Variants in HCN4 observed in about 807,000 individuals in gnomAD.
HCN4 encodes hyperpolarization activated cyclic nucleotide gated potassium channel 4, also known as potassium/sodium hyperpolarization-activated cyclic nucleotide-gated channel 4.
A neutral mutation model predicts 76.9 loss-of-function variants in HCN4; 29 were observed. The observed-to-expected ratio is 0.38, with a 90% CI of 0.28 to 0.51. HCN4 has a LOEUF of 0.51. Ranked by LOEUF, HCN4 falls within the 20% of genes least tolerant of loss-of-function variation. HCN4 has a pLI of 0.90. For synonymous variants in HCN4, 772 were observed against 762.5 expected (o/e 1.01, Z -0.21); for missense variants, 1,416 against 1,715.2 (o/e 0.83, Z 3.08).
In HCN4 at chr15:73,366,935, C is replaced by T. The variant is rs555205919; in HGVS notation, c.785+551G>A. Among the ~76,000 whole-genome samples, 32 of 152,336 alleles carry T rather than the reference C, an allele frequency of 2.1e-4. No homozygotes were observed. The South Asian group carries it at 6.2e-3, about 30-fold the overall frequency. ...GCATGAGGAGCTGAGCTCAGGGTTACGGTGGGTGCAGGGGGTTTTCATCCC... is the reference window on the plus strand; with the variant it reads ...GCATGAGGAGCTGAGCTCAGGGTTATGGTGGGTGCAGGGGGTTTTCATCCC... On this transcript the variant is annotated intron_variant, in intron 1 of 7. Transcript: ENST00000261917.
intron 2 of HCN4, among the ~76,000 whole-genome samples, chr15:73,342,074 T>A (rs2043008210): frequency 6.6e-6 from 1 of 152,192 alleles, no homozygotes; most frequent in South Asian, 2.1e-4. Context: ...AGGTGGGCTG[T>A]CTCACAGAGA....
Position 73,320,113 on chromosome 15 carries a change from TCCAC to T in HCN4, c.*2364_*2367del, listed in dbSNP as rs2042847730. The stretch of plus-strand genomic sequence containing the variant: ...GGGGGCTCCTCATGGCCCTGGACCC[TCCAC>T]CTTCACCCCTGCTGCCTCCAGGACA... On this transcript the variant is annotated 3_prime_UTR_variant, in exon 8 of 8. Coordinates refer to ENST00000261917, the MANE Select transcript of HCN4 (RefSeq NM_005477.3). 1 of 152,338 alleles carries T rather than the reference TCCAC, an allele frequency of 6.6e-6. No individual in the cohort carries two copies. The allele number at this position is 152,338 out of a possible 1,614,324, so 9.4% of individuals were successfully genotyped here.
At chr15:73,354,211 TC>T (rs764397324) in intron 1 of HCN4, among the ~76,000 whole-genome samples, 5 of 152,232 alleles carry the variant, frequency 3.3e-5, no homozygotes, top group Non-Finnish European at 7.3e-5. Flanking sequence ...GTTTTGTTTT[TC>T]TTAAAACCCA....
At chr15:73,361,393 A>G (rs1457302820) in intron 1 of HCN4, among the ~76,000 whole-genome samples, 1 of 152,208 alleles carries the variant, frequency 6.6e-6, no homozygotes, top group Non-Finnish European at 1.5e-5. Context: ...TCCTCTCCAA[A>G]GCCAACACAA....
rs2042884485 is a variant in HCN4 at position 73,324,128 on chromosome 15, C to T, written c.2104G>A (p.Ala702Thr). Reference sequence around the variant, plus strand: ...CGGTCCAGCGCCACGGTCTCGAAGGCCCTTCGCATCATGGGGTACTCCTCC... The same window carrying T: ...CGGTCCAGCGCCACGGTCTCGAAGGTCCTTCGCATCATGGGGTACTCCTCC... ...VLEEYPMMRR[A>T]FETVALDRLD... Residue 702 changes from alanine to threonine, a missense_variant, in exon 7 of 8, where the codon GCC becomes ACC. Around this residue, in one of 6 missense-constraint regions of HCN4, gnomAD observed 241 missense variants for 379.4 expected, o/e 0.64. Transcript: ENST00000261917. The T allele has an allele frequency of 6.2e-7, 1 of 1,613,742 alleles. No homozygotes were observed. Among genetic ancestry groups the T allele is most frequent in the African/African-American group, 1.3e-5 (1 of 74,924 alleles).
At chr15:73,352,194 A>T (rs995798478) in intron 1 of HCN4, among the ~76,000 whole-genome samples, 2 of 152,234 alleles carry the variant, frequency 1.3e-5, no homozygotes, top group African/African-American at 4.8e-5. Flanking sequence ...ATGGGTGGAA[A>T]CATACGAATG....
Position 73,322,526 on chromosome 15 carries a change from C to G in HCN4, c.3567G>C (p.Gly1189=). 10 of 1,604,262 alleles carry G rather than the reference C, an allele frequency of 6.2e-6. No homozygotes were observed. Among genetic ancestry groups the G allele is most frequent in the Non-Finnish European group, 8.5e-6 (10 of 1,175,684 alleles). Residue 1189 remains glycine, a synonymous_variant, in exon 8 of 8, where the codon GGG becomes GGC. Coordinates refer to ENST00000261917, the MANE Select transcript of HCN4 (RefSeq NM_005477.3). ...TGGAGCGCACTGGCTCAGGCCTGGC[C>G]CCAGGTTCCCTCTGGGGTCCAGCAG... ...PLTAGPQREP[G]ARPEPVRSKL...
chr15:73,327,322 G>A (rs955848247), intron 4 of HCN4, among the ~76,000 whole-genome samples: 5 of 151,852 alleles, frequency 3.3e-5, no homozygotes, highest in Admixed American at 3.3e-4. Flanking sequence ...TGTTGGCCAG[G>A]CTGGTCATGA....
chr15:73,329,323 G>A (rs1239840068), intron 4 of HCN4, among the ~76,000 whole-genome samples: 1 of 152,232 alleles, frequency 6.6e-6, no homozygotes, highest in Non-Finnish European at 1.5e-5. Context: ...AGGAGCCACA[G>A]GCCCCAGTGA....
chr15:73,344,366 G>A (rs1047384099), intron 1 of HCN4, among the ~76,000 whole-genome samples: 1 of 152,180 alleles, frequency 6.6e-6, no homozygotes, highest in Non-Finnish European at 1.5e-5. Context: ...ACATCCGGAA[G>A]GGCCTCCCTA....
intron 1 of HCN4, among the ~76,000 whole-genome samples, chr15:73,362,894 G>T (rs552641848): frequency 3.9e-5 from 6 of 152,352 alleles, no homozygotes; most frequent in African/African-American, 9.6e-5. Context: ...CTCTAGCCAG[G>T]CAGTATGGGG....
Position 73,343,262 on chromosome 15 carries a change from T to C in HCN4, c.1209+123A>G, listed in dbSNP as rs114310441. ...AAGAACTTACTAGTATTTGTCCTCTTGGAGCAGGTGTGCCTGCCACAATCT... is the reference window on the plus strand; with the variant it reads ...AAGAACTTACTAGTATTTGTCCTCTCGGAGCAGGTGTGCCTGCCACAATCT... On this transcript the variant is annotated intron_variant, in intron 2 of 7. Coordinates refer to ENST00000261917, the MANE Select transcript of HCN4 (RefSeq NM_005477.3). The surrounding 1 kb of genome is among the most constrained non-coding windows in gnomAD (Gnocchi z 5.7). 3,103 of 897,980 alleles carry C rather than the reference T, an allele frequency of 3.5e-3. 58 individuals are homozygous for C. The African/African-American group carries it at 0.045, about 13-fold the overall frequency. 55.6% of individuals were successfully genotyped at this position (897,980 alleles called of 1,614,324 possible). A position where few individuals can be genotyped will look rare whatever the true frequency, so the allele number is the denominator to read the frequency against.
chr15:73,355,037 G>A (rs1398897118), intron 1 of HCN4, among the ~76,000 whole-genome samples: 7 of 152,240 alleles, frequency 4.6e-5, no homozygotes, highest in African/African-American at 1.2e-4. Context: ...ATGGCCAGAG[G>A]GGAGGAGAAA....
Position 73,322,715 on chromosome 15 carries a change from G to C in HCN4, c.3378C>G (p.Ser1126Arg), listed in dbSNP as rs758673317. 2 of 1,566,472 alleles carry C rather than the reference G, an allele frequency of 1.3e-6. No individual in the cohort carries two copies. Among genetic ancestry groups the C allele is most frequent in the Admixed American group, 3.8e-5 (2 of 52,470 alleles). Reference protein sequence around the residue: ...FPLFPRAGGGSGGSGSSGGLG... With the variant: ...FPLFPRAGGGRGGSGSSGGLG... ...GGCCCCCGCTGCTCCCACTGCCCCCGCTGCCACCCCCAGCCCTGGGGAAGA... is the reference window on the plus strand; with the variant it reads ...GGCCCCCGCTGCTCCCACTGCCCCCCCTGCCACCCCCAGCCCTGGGGAAGA... Residue 1126 changes from serine (S) to arginine (R), a missense_variant, in exon 8 of 8, where the codon AGC becomes AGG. Around this residue, in one of 6 missense-constraint regions of HCN4, gnomAD observed 633 missense variants for 579.8 expected, o/e 1.09. Coordinates refer to ENST00000261917, the MANE Select transcript of HCN4 (RefSeq NM_005477.3).
rs148453034 is a variant in HCN4 at position 73,332,146 on chromosome 15, G to A, written c.1356C>T (p.Ser452=). The A allele has an allele frequency of 1.7e-3, 2,753 of 1,614,046 alleles. 5 individuals carry two copies. The highest frequency in any genetic ancestry group is 2.1e-3 in the Non-Finnish European group (2,531 of 1,180,018). The change falls in exon 3 of 8, where the codon TCC becomes TCT. Residue 452 remains serine (S), a synonymous_variant. Coordinates refer to ENST00000261917, the MANE Select transcript of HCN4 (RefSeq NM_005477.3). The part of the protein sequence containing the change: ...LQDFPDDCWV[S]INNMVNNSWG... The stretch of plus-strand genomic sequence containing the variant: ...GCGCACTCACCACCATGTTGTTGAT[G>A]GACACCCAGCAGTCGTCAGGGAAGT...
At position 73,343,599 on chromosome 15, in the gene HCN4, C is replaced by G; in HGVS notation, c.995G>C (p.Arg332Pro). 1.2e-6 allele frequency: 2 copies of G among 1,614,066 alleles called. No individual in the cohort carries two copies. Among genetic ancestry groups the G allele is most frequent in the Non-Finnish European group, 1.7e-6 (2 of 1,180,028 alleles). ...GCTTTTCAGGTACTTCATTTTAATC[C>G]GCTGCGGGTCCAGGATGATCTCTGT... ...DNTEIILDPQ[R>P]IKMKYLKSWF... Residue 332 changes from arginine (R) to proline (P), a missense_variant, in exon 2 of 8, where the codon CGG becomes CCG. Arg to Pro is a moderately radical substitution (Grantham distance 103, BLOSUM62 -2). Coordinates refer to ENST00000261917, the MANE Select transcript of HCN4 (RefSeq NM_005477.3). This position sits in a 1 kb window ranked among gnomAD's most constrained non-coding sequence, Gnocchi z 5.7.
intron 1 of HCN4, among the ~76,000 whole-genome samples, chr15:73,347,565 G>C (rs1158832708): frequency 6.6e-6 from 1 of 152,168 alleles, no homozygotes; most frequent in Non-Finnish European, 1.5e-5. Context: ...CTCGGTCACG[G>C]TCACACATGT....
chr15:73,322,775 C>T lies in HCN4; in HGVS notation c.3318G>A (p.Pro1106=), dbSNP rs1425132420. 1.1e-5 allele frequency: 17 copies of T among 1,555,264 alleles called. No homozygotes were observed. The highest frequency in any genetic ancestry group is 1.7e-4 in the Middle Eastern group (1 of 5,944). Residue 1106 remains proline, a synonymous_variant, in exon 8 of 8, where the codon CCG becomes CCA. Transcript: ENST00000261917. ...CAGCCATGGACTCCCCTGAGGAGTG[C>T]GGGGAGGCTCTGCGGAGAGTCTGCG... is the stretch of plus-strand genomic sequence containing the variant. ...DGAQTLRRAS[P]HSSGESMAAF... is the part of the protein sequence containing the mutation.
At chr15:73,352,200 G>A (rs1008331333) in intron 1 of HCN4, among the ~76,000 whole-genome samples, 3 of 152,314 alleles carry the variant, frequency 2.0e-5, no homozygotes, top group East Asian at 1.9e-4. Context: ...GGAAACATAC[G>A]AATGAGTGGA....
Sources: allele counts gnomAD v4.1 joint callset (sites outside exome capture counted in the v4.1 genomes callset), GRCh38; gene constraint gnomAD v4.1.1; regional missense constraint gnomAD v4.1.1; non-coding constraint Gnocchi (gnomAD v3.1); transcripts MANE v1.5; gene names NCBI Gene and HGNC (gene_info 2026-07-23, HGNC 2026-07-21).